PCDH7: variants seen among roughly 807,000 people sequenced by gnomAD.
PCDH7 encodes the protein protocadherin 7, also known as protocadherin-7.
A neutral mutation model predicts 58.9 loss-of-function variants in PCDH7; 17 were observed. The ratio of observed to expected loss-of-function variants is 0.29; its 90% CI spans 0.20 to 0.43. PCDH7 has a LOEUF of 0.43. PCDH7 is among the 20% of genes least tolerant of loss of function. PCDH7 has a pLI of 1.00. For missense variants in PCDH7, 1,274 were observed against 1,441.0 expected (o/e 0.88, Z 1.88); for synonymous variants, 664 against 616.4 (o/e 1.08, Z -1.14).
chr4:30,889,403 A>C (rs1213946985), intron 1 of PCDH7, among the ~76,000 whole-genome samples: 1 of 152,094 alleles, frequency 6.6e-6, no homozygotes, highest in East Asian at 1.9e-4. Flanking sequence ...CGTTGTCAAC[A>C]TTATAACATT....
intron 3 of PCDH7, among the ~76,000 whole-genome samples, chr4:31,126,382 A>G (rs911175795): frequency 6.6e-6 from 1 of 151,850 alleles, no homozygotes; most frequent in Admixed American, 6.6e-5. Context: ...CTGGTCTCGA[A>G]CTCCTGGCCT....
At chr4:30,774,557 C>T (rs529535243) in intron 1 of PCDH7, among the ~76,000 whole-genome samples, 9 of 152,146 alleles carry the variant, frequency 5.9e-5, no homozygotes, top group East Asian at 5.8e-4. Context: ...CAACAGAAGC[C>T]GGGGTATTGC....
rs188446018 is a variant in PCDH7, at chr4:30,797,430, G to T, written c.70+72834G>T. Among the ~76,000 whole-genome samples, 144 of 151,870 alleles carry T rather than the reference G, an allele frequency of 9.5e-4. 1 individual carries two copies. Among genetic ancestry groups the T allele is most frequent in the African/African-American group, 3.4e-3 (140 of 41,418 alleles). The stretch of plus-strand genomic sequence containing the variant: ...TGGGACTACAGGCGCCCGCCACCAC[G>T]CCCGGCTAATTTTTTTTGTAGTTTT... On this transcript the variant is annotated intron_variant, in intron 1 of 3. Transcript: ENST00000509759.
chr4:30,821,004 A>G (rs1159940643), intron 1 of PCDH7, among the ~76,000 whole-genome samples: 3 of 152,176 alleles, frequency 2.0e-5, no homozygotes, highest in Admixed American at 6.5e-5. Context: ...ATACTGGAAC[A>G]TTATCACAAT....
chr4:30,728,272 C>A (rs1374018616), intron 1 of PCDH7, among the ~76,000 whole-genome samples: 1 of 121,040 alleles, frequency 8.3e-6, no homozygotes, highest in Non-Finnish European at 1.7e-5. Flanking sequence ...TGTATACATA[C>A]ATATGTATAT....
intron 2 of PCDH7, among the ~76,000 whole-genome samples, chr4:30,922,369 A>G (rs916623867): frequency 8.6e-5 from 13 of 151,818 alleles, no homozygotes; most frequent in Admixed American, 2.0e-4. Flanking sequence ...GTACAATTAA[A>G]TCTTTATTTT....
chr4:31,128,148 C>T (rs939850866), intron 3 of PCDH7, among the ~76,000 whole-genome samples: 9 of 148,420 alleles, frequency 6.1e-5, no homozygotes, highest in Non-Finnish European at 7.5e-5. Flanking sequence ...TACATATATA[C>T]ACACACACAC....
At chr4:30,792,031 A>C (rs187935794) in intron 1 of PCDH7, among the ~76,000 whole-genome samples, 1 of 152,338 alleles carries the variant, frequency 6.6e-6, no homozygotes, top group Non-Finnish European at 1.5e-5. Flanking sequence ...TTATTTCAAA[A>C]GTTTTTCATT....
At chr4:30,970,920 G>A (rs1749530697) in intron 3 of PCDH7, among the ~76,000 whole-genome samples, 1 of 152,192 alleles carries the variant, frequency 6.6e-6, no homozygotes, top group Admixed American at 6.5e-5. Flanking sequence ...TGTACAGTGA[G>A]TTCATACACA....
chr4:31,110,008 AAAGTATACCTAGAACACCAT>A (rs1716083915), intron 3 of PCDH7, among the ~76,000 whole-genome samples: 1 of 152,222 alleles, frequency 6.6e-6, no homozygotes, highest in Non-Finnish European at 1.5e-5. Flanking sequence ...TCAGAAATGG[AAAGTATACCTAGAACACCAT>A]AAGAATAGCA....
chr4:31,110,738 A>G (rs1205202695), intron 3 of PCDH7, among the ~76,000 whole-genome samples: 1 of 151,818 alleles, frequency 6.6e-6, no homozygotes, highest in Non-Finnish European at 1.5e-5. Context: ...ACACGGTGAA[A>G]CTCTATCTAT....
chr4:30,883,786 G>A (rs1287143041), intron 1 of PCDH7, among the ~76,000 whole-genome samples: 1 of 152,134 alleles, frequency 6.6e-6, no homozygotes, highest in Non-Finnish European at 1.5e-5. Flanking sequence ...TTGTGTCAGG[G>A]AGGTATCATT....
chr4:30,724,368 C>G, exon 1 of PCDH7: 3 of 1,614,018 alleles, frequency 1.9e-6, no homozygotes, highest in South Asian at 2.2e-5. Context: ...GATACAGGTC[C>G]GTTAATGGTG....
At chr4:31,068,305 A>T (rs1473494056) in intron 3 of PCDH7, among the ~76,000 whole-genome samples, 1 of 79,090 alleles carries the variant, frequency 1.3e-5, no homozygotes, top group African/African-American at 6.0e-5. Flanking sequence ...AACTGCTCTA[A>T]AAAAAAAAAA....
intron 3 of PCDH7, among the ~76,000 whole-genome samples, chr4:31,129,546 A>G (rs565323725): frequency 1.3e-5 from 2 of 152,268 alleles, no homozygotes; most frequent in Middle Eastern, 3.4e-3. Flanking sequence ...AAGTTTATGG[A>G]GGAGAGTTTT....
intron 1 of PCDH7, among the ~76,000 whole-genome samples, chr4:30,786,470 A>G (rs1195733667): frequency 1.3e-5 from 2 of 152,042 alleles, no homozygotes; most frequent in Admixed American, 1.3e-4. Flanking sequence ...TTCTTATACC[A>G]TGCAAACATC....
intron 1 of PCDH7, among the ~76,000 whole-genome samples, chr4:30,900,661 CAGT>C (rs1192710703): frequency 6.6e-6 from 1 of 151,988 alleles, no homozygotes; most frequent in Non-Finnish European, 1.5e-5. Flanking sequence ...TGCAGTATGT[CAGT>C]AGAATGACTT....
At chr4:30,968,328 T>TAC (rs1749188348) in intron 3 of PCDH7, among the ~76,000 whole-genome samples, 1 of 115,094 alleles carries the variant, frequency 8.7e-6, no homozygotes, top group African/African-American at 4.1e-5. Flanking sequence ...ACTATATATA[T>TAC]ATATACACAC....
chr4:31,096,947 T>G (rs1714080844), intron 3 of PCDH7, among the ~76,000 whole-genome samples: 6 of 151,928 alleles, frequency 3.9e-5, no homozygotes, highest in Admixed American at 3.9e-4. Flanking sequence ...AGATTTTCTG[T>G]CAGTGTGTGC....
Sources: gnomAD v4.1 joint callset for allele counts (sites outside exome capture counted in the v4.1 genomes callset) on GRCh38, gnomAD v4.1.1 for gene constraint, MANE v1.5 for transcripts, NCBI Gene and HGNC (gene_info 2026-07-23, HGNC 2026-07-21) for gene names.